The following TMEM150C variants were observed in gnomAD, a reference collection of about 807,000 sequenced individuals.
TMEM150C encodes the protein transmembrane protein 150C, also known as tentonin 3.
In TMEM150C, 10 loss-of-function variants were observed where a neutral mutation model predicts 29.9. The ratio of observed to expected loss-of-function variants is 0.33; its 90% CI spans 0.21 to 0.57. TMEM150C has a LOEUF of 0.57. Among genes scored for constraint, TMEM150C ranks in the 20% least tolerant of loss-of-function variants. The pLI is 0.88. For missense variants in TMEM150C, 251 were observed against 303.6 expected (o/e 0.83, Z 1.29); for synonymous variants, 101 against 112.5 (o/e 0.90, Z 0.64).
At chr4:82,495,346 C>G (rs954713133) in intron 6 of TMEM150C, 1 of 212,506 alleles carries the variant, frequency 4.7e-6, no homozygotes, top group African/African-American at 2.4e-5. Flanking sequence ...GAGGCTGAGG[C>G]GGGAGAATTA....
intron 5 of TMEM150C, among the ~76,000 whole-genome samples, chr4:82,496,587 G>C (rs1723565005): frequency 6.6e-6 from 1 of 152,178 alleles, no homozygotes; most frequent in Non-Finnish European, 1.5e-5. Flanking sequence ...ACTGGCTTAG[G>C]AGAGCACTGC....
Position 82,545,817 on chromosome 4 carries a change from C to T in TMEM150C, c.-11+16089G>A, listed in dbSNP as rs185766246. On this transcript the variant is annotated intron_variant, in intron 1 of 7. Coordinates refer to ENST00000449862, the MANE Select transcript of TMEM150C (RefSeq NM_001080506.3). ...TGGTGGTGCACAGCTCCCAACTACT[C>T]GGGAGGTTGAGGCATGAGAATTGCT... is the stretch of plus-strand genomic sequence containing the variant. Among the ~76,000 whole-genome samples the T allele has an allele frequency of 4.2e-4, 64 of 152,062 alleles. 2 individuals are homozygous for T. The East Asian group carries it at 6.4e-3, about 15-fold the overall frequency.
chr4:82,545,010 A>G (rs1029122935), intron 1 of TMEM150C, among the ~76,000 whole-genome samples: 1 of 152,182 alleles, frequency 6.6e-6, no homozygotes, highest in Admixed American at 6.5e-5. Context: ...CTAGTCAAAA[A>G]ATCAAGGAGG....
At position 82,541,961 on chromosome 4, in the gene TMEM150C, G is replaced by A. The variant is rs1203569872; in HGVS notation, c.-11+19945C>T. Among the ~76,000 whole-genome samples, 8 of 152,086 alleles carry A rather than the reference G, an allele frequency of 5.3e-5. No homozygotes were observed. The East Asian group carries it at 1.2e-3, about 22-fold the overall frequency. On this transcript the variant is annotated intron_variant, in intron 1 of 7. Transcript: ENST00000449862. ...TGGACTCTAGGGCTATACTTAATGC[G>A]CAGTAAGGTAGAAATACAGCTGCCA... is the stretch of plus-strand genomic sequence containing the variant.
chr4:82,526,379 A>G lies in TMEM150C; in HGVS notation c.-10-21712T>C, dbSNP rs182598607. ...ATTGGCCAGGTACTTTGAATGGTCA[A>G]ACATATCATTTGGCCTTTGGAATCA... On this transcript the variant is annotated intron_variant, in intron 1 of 7. Transcript: ENST00000449862. Among the ~76,000 whole-genome samples the G allele has an allele frequency of 4.3e-3, 650 of 152,326 alleles. 9 individuals are homozygous for G. Among genetic ancestry groups the G allele is most frequent in the African/African-American group, 0.015 (621 of 41,558 alleles).
intron 1 of TMEM150C, among the ~76,000 whole-genome samples, chr4:82,528,916 G>A (rs1049088940): frequency 2.0e-5 from 3 of 152,130 alleles, no homozygotes; most frequent in African/African-American, 7.2e-5. Context: ...TGTCTTTGAG[G>A]CACAAAAGTG....
chr4:82,521,791 CTG>C (rs886924519), intron 1 of TMEM150C, among the ~76,000 whole-genome samples: 2 of 152,152 alleles, frequency 1.3e-5, no homozygotes, highest in African/African-American at 4.8e-5. Context: ...CACAGTCAGA[CTG>C]TGTGGGGCCA....
At chr4:82,543,605 A>G (rs1483720164) in intron 1 of TMEM150C, among the ~76,000 whole-genome samples, 2 of 152,234 alleles carry the variant, frequency 1.3e-5, no homozygotes, top group Non-Finnish European at 2.9e-5. Flanking sequence ...ATCTTGGATG[A>G]AGACAACATT....
intron 1 of TMEM150C, among the ~76,000 whole-genome samples, chr4:82,511,817 G>C (rs1271601966): frequency 6.6e-6 from 1 of 152,138 alleles, no homozygotes; most frequent in Non-Finnish European, 1.5e-5. Flanking sequence ...CCTTCTACCA[G>C]CACTTCAATT....
At chr4:82,503,890 C>T (rs1419341809) in intron 2 of TMEM150C, among the ~76,000 whole-genome samples, 1 of 151,922 alleles carries the variant, frequency 6.6e-6, no homozygotes, top group Non-Finnish European at 1.5e-5. Flanking sequence ...AAAAACATAT[C>T]AGACCCAATC....
At chr4:82,525,149 G>C (rs548045965) in intron 1 of TMEM150C, among the ~76,000 whole-genome samples, 10 of 152,328 alleles carry the variant, frequency 6.6e-5, no homozygotes, top group African/African-American at 2.4e-4. Context: ...AAACGCAGCT[G>C]AGACAGGGCC....
At chr4:82,550,210 G>A (rs1725524947) in intron 1 of TMEM150C, among the ~76,000 whole-genome samples, 2 of 152,226 alleles carry the variant, frequency 1.3e-5, no homozygotes, top group Admixed American at 6.5e-5. Context: ...TTTTATAAGT[G>A]TTTAACAGTT....
intron 1 of TMEM150C, among the ~76,000 whole-genome samples, chr4:82,512,442 A>G (rs939096278): frequency 1.3e-5 from 2 of 152,202 alleles, no homozygotes; most frequent in African/African-American, 4.8e-5. Context: ...TAGAGCACCA[A>G]AATCCACTCT....
intron 5 of TMEM150C, among the ~76,000 whole-genome samples, chr4:82,497,818 T>C (rs1024745607): frequency 1.3e-5 from 2 of 152,140 alleles, no homozygotes; most frequent in African/African-American, 4.8e-5. Context: ...AACGTCTTAT[T>C]AATTTTAGGA....
At chr4:82,515,876 G>A (rs369211739) in intron 1 of TMEM150C, among the ~76,000 whole-genome samples, 27 of 152,134 alleles carry the variant, frequency 1.8e-4, no homozygotes, top group African/African-American at 6.3e-4. Context: ...AACTGAAAAT[G>A]AGATCCTTGT....
chr4:82,501,552 A>G (rs1723738005), intron 5 of TMEM150C, among the ~76,000 whole-genome samples: 1 of 152,172 alleles, frequency 6.6e-6, no homozygotes, highest in Non-Finnish European at 1.5e-5. Flanking sequence ...CCAGGGAAGA[A>G]TCTTGCTAAC....
chr4:82,540,904 T>C (rs1318345394), intron 1 of TMEM150C, among the ~76,000 whole-genome samples: 5 of 152,348 alleles, frequency 3.3e-5, no homozygotes, highest in Admixed American at 6.5e-5. Flanking sequence ...CTAGTCACCA[T>C]GATGTACAAT....
chr4:82,530,500 T>C (rs1481625471), intron 1 of TMEM150C, among the ~76,000 whole-genome samples: 2 of 152,088 alleles, frequency 1.3e-5, no homozygotes, highest in African/African-American at 4.8e-5. Context: ...GAGCTTGCAG[T>C]GAGCCAAGAT....
rs1049279144 is a variant in TMEM150C at position 82,523,233 on chromosome 4, G to T, written c.-10-18566C>A. Among the ~76,000 whole-genome samples the T allele has an allele frequency of 2.6e-5, 4 of 152,160 alleles. No homozygotes were observed. The South Asian group carries it at 8.3e-4, about 32-fold the overall frequency. On this transcript the variant is annotated intron_variant, in intron 1 of 7. Coordinates refer to ENST00000449862, the MANE Select transcript of TMEM150C (RefSeq NM_001080506.3). Reference sequence around the variant, plus strand: ...CCCGTACACAGCCAGAGGGATGGGGGCGGGGGGGTGCTCCAAAACCAAAAG... The same window carrying T: ...CCCGTACACAGCCAGAGGGATGGGGTCGGGGGGGTGCTCCAAAACCAAAAG...
Sources: allele counts gnomAD v4.1 joint callset (sites outside exome capture counted in the v4.1 genomes callset), GRCh38; gene constraint gnomAD v4.1.1; transcripts MANE v1.5; gene names NCBI Gene and HGNC (gene_info 2026-07-23, HGNC 2026-07-21).